The following LIMS1 variants were observed in gnomAD, a reference collection of about 807,000 sequenced individuals.
LIMS1 encodes the protein LIM zinc finger domain containing 1, also known as LIM and senescent cell antigen-like-containing domain protein 1.
In LIMS1, 18 loss-of-function variants were observed where a neutral mutation model predicts 44.1. The observed-to-expected ratio is 0.41, with a 90% CI of 0.28 to 0.61. The LOEUF is 0.61. Among genes scored for constraint, LIMS1 ranks in the 20% least tolerant of loss-of-function variants. The probability of loss-of-function intolerance (pLI) is 0.32; values close to 1 mark genes in which losing one functional copy is unlikely to be tolerated. For synonymous variants in LIMS1, 93 were observed against 149.1 expected (o/e 0.62, Z 2.74); for missense variants, 201 against 422.0 (o/e 0.48, Z 4.59).
rs575319075 is a variant in LIMS1 at position 108,563,324 on chromosome 2, G to A, written c.32+28730G>A. Among the ~76,000 whole-genome samples, 6 of 152,320 alleles carry A rather than the reference G, an allele frequency of 3.9e-5. No homozygotes were observed. In the East Asian group the frequency reaches 1.2e-3, roughly 29 times the overall value. ...GCTGCAGATGGTGATTCCTCTAATG[G>A]ATCTGGGCAAGTAAAATGAAAACCT... On this transcript the variant is annotated intron_variant, in intron 1 of 9. Coordinates refer to ENST00000544547, the Ensembl canonical transcript of LIMS1.
Position 108,662,240 on chromosome 2 carries a change from A to G in LIMS1, c.192+2476A>G, listed in dbSNP as rs754729623. ...TGCCTGTGACTTAGGAACGAACATGATGGTTAAGCTACCTTCATTAAGCAG... is the reference window on the plus strand; with the variant it reads ...TGCCTGTGACTTAGGAACGAACATGGTGGTTAAGCTACCTTCATTAAGCAG... On this transcript the variant is annotated intron_variant, in intron 2 of 9. Coordinates refer to ENST00000544547, the Ensembl canonical transcript of LIMS1. 31 of 1,611,884 alleles carry G rather than the reference A, an allele frequency of 1.9e-5. No individual in the cohort carries two copies. In the East Asian group the frequency reaches 6.7e-4, roughly 35 times the overall value.
chr2:108,539,851 G>A (rs961299731), intron 1 of LIMS1, among the ~76,000 whole-genome samples: 2 of 152,074 alleles, frequency 1.3e-5, no homozygotes, highest in African/African-American at 4.8e-5. Context: ...CACCTAACAT[G>A]GTTGCTTTTG....
intron 1 of LIMS1, among the ~76,000 whole-genome samples, chr2:108,536,582 G>T (rs994970166): frequency 6.6e-5 from 10 of 152,126 alleles, no homozygotes; most frequent in Non-Finnish European, 1.5e-4. Flanking sequence ...ACAGGTGTTT[G>T]TTGTTGTTTT....
At chr2:108,597,536 A>G (rs1218239612) in intron 1 of LIMS1, among the ~76,000 whole-genome samples, 2 of 152,160 alleles carry the variant, frequency 1.3e-5, no homozygotes, top group Non-Finnish European at 2.9e-5. Flanking sequence ...GCAGGTTGCC[A>G]TTGTAGGTTC....
intron 1 of LIMS1, among the ~76,000 whole-genome samples, chr2:108,593,471 C>T (rs927529497): frequency 2.6e-5 from 4 of 152,180 alleles, no homozygotes; most frequent in Non-Finnish European, 5.9e-5. Context: ...TCAAGCCTAC[C>T]CAGACCTGGA....
At chr2:108,545,534 G>A (rs58846550) in intron 1 of LIMS1, among the ~76,000 whole-genome samples, 5,078 of 152,178 alleles carry the variant, frequency 0.033, 291 homozygotes, top group African/African-American at 0.12. Flanking sequence ...TCACCGTGCC[G>A]GTGCATCCTC....
intron 1 of LIMS1, among the ~76,000 whole-genome samples, chr2:108,560,593 G>C (rs1685079779): frequency 6.6e-6 from 1 of 151,862 alleles, no homozygotes; most frequent in African/African-American, 2.4e-5. Context: ...AAATTGCCCT[G>C]ACACTCCTGA....
chr2:108,534,108 G>A (rs1684021583), upstream of LIMS1: 1 of 153,328 alleles, frequency 6.5e-6, no homozygotes, highest in Non-Finnish European at 1.5e-5. Context: ...CCTTGTTGTA[G>A]GGAACTCGGC....
chr2:108,624,073 A>T (rs1688420398), intron 1 of LIMS1, among the ~76,000 whole-genome samples: 3 of 152,206 alleles, frequency 2.0e-5, no homozygotes, highest in Admixed American at 2.0e-4. Context: ...CATACTTTGT[A>T]CAGTGGAGCA....
At chr2:108,610,149 TGTGTG>T in intron 1 of LIMS1, among the ~76,000 whole-genome samples, 1 of 1,360 alleles carries the variant, frequency 7.4e-4, no homozygotes, top group South Asian at 0.02. Context: ...TTACAAAAAA[TGTGTG>T]TGTGTGTGTG....
intron 1 of LIMS1, among the ~76,000 whole-genome samples, chr2:108,538,268 C>G (rs1375324446): frequency 2.0e-5 from 3 of 152,220 alleles, no homozygotes; most frequent in African/African-American, 7.2e-5. Flanking sequence ...ATAATCTCAT[C>G]TCTTTTATTT....
intron 2 of LIMS1, chr2:108,662,569 G>A: frequency 8.5e-7 from 1 of 1,174,360 alleles, no homozygotes; most frequent in South Asian, 1.8e-5. Flanking sequence ...ATTAAAACCA[G>A]CCCAGGGATG....
intron 1 of LIMS1, among the ~76,000 whole-genome samples, chr2:108,555,815 G>A (rs1573320593): frequency 6.6e-6 from 1 of 152,198 alleles, no homozygotes; most frequent in African/African-American, 2.4e-5. Context: ...GCTGGCTGTG[G>A]AGCCCACTGG....
At chr2:108,629,068 G>T (rs1461312968) in intron 1 of LIMS1, among the ~76,000 whole-genome samples, 1 of 152,174 alleles carries the variant, frequency 6.6e-6, no homozygotes, top group East Asian at 1.9e-4. Context: ...TATCTATGTT[G>T]CCATCTGCTA....
At chr2:108,679,317 A>T (rs529089485) in intron 8 of LIMS1, among the ~76,000 whole-genome samples, 135 of 151,946 alleles carry the variant, frequency 8.9e-4, no homozygotes, top group African/African-American at 3.1e-3. Flanking sequence ...CATCTCTACT[A>T]AAAATACAAA....
At chr2:108,671,850 T>G (rs1441463420) in intron 3 of LIMS1, among the ~76,000 whole-genome samples, 1 of 152,154 alleles carries the variant, frequency 6.6e-6, no homozygotes, top group East Asian at 1.9e-4. Flanking sequence ...AATAAAACTT[T>G]TTTGCTAATG....
At chr2:108,632,579 T>G (rs1024280759) in intron 1 of LIMS1, among the ~76,000 whole-genome samples, 4 of 152,194 alleles carry the variant, frequency 2.6e-5, no homozygotes, top group Non-Finnish European at 4.4e-5. Flanking sequence ...GTGCTAGATC[T>G]TATTGCACAA....
chr2:108,616,757 T>A (rs1031629422), intron 1 of LIMS1, among the ~76,000 whole-genome samples: 5 of 152,188 alleles, frequency 3.3e-5, no homozygotes, highest in Non-Finnish European at 5.9e-5. Context: ...TGGTACATCG[T>A]TGAACCCTTT....
intron 1 of LIMS1, among the ~76,000 whole-genome samples, chr2:108,615,723 A>G (rs1305470320): frequency 6.6e-6 from 1 of 152,150 alleles, no homozygotes; most frequent in Admixed American, 6.5e-5. Context: ...CTATATGAAG[A>G]AGGAGAAAAG....
Sources: gnomAD v4.1 joint callset for allele counts (sites outside exome capture counted in the v4.1 genomes callset) on GRCh38, gnomAD v4.1.1 for gene constraint, MANE v1.5 for transcripts, NCBI Gene and HGNC (gene_info 2026-07-23, HGNC 2026-07-21) for gene names.